The following ZNF148 variants were observed in gnomAD, a reference collection of about 807,000 sequenced individuals.
The protein encoded by ZNF148 is zinc finger protein 148.
ZNF148 carries 7 observed loss-of-function variants against 67.7 expected under a neutral mutation model. That is an observed-to-expected ratio of 0.10 (90% CI 0.06 to 0.19). ZNF148 has a LOEUF of 0.19. Among genes scored for constraint, ZNF148 ranks in the 10% least tolerant of loss-of-function variants. The pLI is 1.00. For missense variants in ZNF148, 583 were observed against 947.1 expected, an observed-to-expected ratio of 0.62 and a Z score of 5.05; for synonymous variants, 333 against 330.7, an observed-to-expected ratio of 1.01 and a Z score of -0.08.
rs984756912 is a variant in ZNF148, at chr3:125,229,317, G to A, written c.*3024C>T. 9 of 151,056 alleles carry A rather than the reference G, an allele frequency of 6.0e-5. No homozygotes were observed. The highest frequency in any genetic ancestry group is 1.3e-4 in the Non-Finnish European group (9 of 67,892). 9.4% of individuals were successfully genotyped at this position (151,056 alleles called of 1,614,324 possible). ...GCAAGTGTCTCTCCTCTGTGGAAAC[G>A]AAATCCTGCCCTGAGCACAATTCTT... On this transcript the variant is annotated 3_prime_UTR_variant, in exon 9 of 9. Transcript: ENST00000360647.
chr3:125,367,851 G>A (rs997426210), intron 1 of ZNF148, among the ~76,000 whole-genome samples: 6 of 152,170 alleles, frequency 3.9e-5, no homozygotes, highest in African/African-American at 1.4e-4. Flanking sequence ...TACACTATAC[G>A]AAGACGGAAA....
intron 7 of ZNF148, among the ~76,000 whole-genome samples, chr3:125,262,030 G>A (rs928300984): frequency 2.6e-5 from 4 of 151,968 alleles, no homozygotes; most frequent in Non-Finnish European, 5.9e-5. Context: ...GAAAACGCTG[G>A]AATTCTCTTT....
At chr3:125,346,057 C>T (rs1941930671) in intron 1 of ZNF148, among the ~76,000 whole-genome samples, 1 of 152,184 alleles carries the variant, frequency 6.6e-6, no homozygotes, top group Non-Finnish European at 1.5e-5. Flanking sequence ...ATAACTCTTA[C>T]AAATGTAGCT....
At chr3:125,303,750 C>T (rs1939723337) in intron 4 of ZNF148, among the ~76,000 whole-genome samples, 1 of 151,866 alleles carries the variant, frequency 6.6e-6, no homozygotes, top group African/African-American at 2.4e-5. Context: ...GTGCACAATA[C>T]ATGTAATGCT....
chr3:125,315,189 T>C (rs1050679096), intron 3 of ZNF148: 1 of 152,210 alleles, frequency 6.6e-6, no homozygotes, highest in Non-Finnish European at 1.5e-5. Context: ...AGTCTCTTAA[T>C]GCTAAAATTT....
chr3:125,369,261 CAAAA>C (rs71148178), intron 1 of ZNF148, among the ~76,000 whole-genome samples: 7 of 12,890 alleles, frequency 5.4e-4, no homozygotes, highest in Non-Finnish European at 5.9e-4. Flanking sequence ...GATCCTGCCT[CAAAA>C]AAAAAAAAAA....
At chr3:125,363,816 A>AT (rs1290358295) in intron 1 of ZNF148, among the ~76,000 whole-genome samples, 4 of 151,848 alleles carry the variant, frequency 2.6e-5, no homozygotes, top group East Asian at 1.9e-4. Flanking sequence ...TGCCCCGCTA[A>AT]TTTTTTTATC....
intron 1 of ZNF148, among the ~76,000 whole-genome samples, chr3:125,336,676 C>CTTTTTTTTTTTTTTTTTTTTTTTTTTTT (rs1559765728): frequency 4.3e-5 from 2 of 46,138 alleles, no homozygotes; most frequent in Admixed American, 1.7e-4. Context: ...CCAGAAATCA[C>CTTTTTTTTTTTTTTTTTTTTTTTTTTTT]CTTTTTTTTT....
At chr3:125,318,766 G>A (rs1001981417) in intron 3 of ZNF148, among the ~76,000 whole-genome samples, 6 of 152,170 alleles carry the variant, frequency 3.9e-5, no homozygotes, top group Non-Finnish European at 7.3e-5. Flanking sequence ...ACCCAGAGCA[G>A]AGAATGATGA....
chr3:125,333,158 T>A (rs1015880809), intron 1 of ZNF148, among the ~76,000 whole-genome samples: 2 of 152,184 alleles, frequency 1.3e-5, no homozygotes, highest in Non-Finnish European at 2.9e-5. Flanking sequence ...AACATTCCGT[T>A]GAAAACATTT....
chr3:125,348,768 C>G (rs1942038041), intron 1 of ZNF148, among the ~76,000 whole-genome samples: 1 of 152,140 alleles, frequency 6.6e-6, no homozygotes. Flanking sequence ...CCAAACAGAA[C>G]CACAAAAGCC....
chr3:125,333,018 CA>C lies in ZNF148; in HGVS notation c.-233-1781del, dbSNP rs149879772. ...ATAGACAGGGAAAAAAATGTCTTCA[CA>C]TTATGCATTTTAACATTGTGAGTCT... On this transcript the variant is annotated intron_variant, in intron 1 of 8. Coordinates refer to ENST00000360647, the MANE Select transcript of ZNF148 (RefSeq NM_021964.3). 2.6e-3 allele frequency among the ~76,000 whole-genome samples: 401 copies of C among 152,262 alleles called. 7 individuals are homozygous for C. The East Asian group carries it at 0.048, about 18-fold the overall frequency.
chr3:125,371,356 C>CA lies in ZNF148; in HGVS notation c.-234+3745dup, dbSNP rs1236135101. Reference sequence around the variant, plus strand: ...TGGGTGACAAAGTGAGACCCTGTTTCAAAAAAAAAAAAAAAAGGGGGGGGG... The same window carrying CA: ...TGGGTGACAAAGTGAGACCCTGTTTCAAAAAAAAAAAAAAAAAGGGGGGGGG... On this transcript the variant is annotated intron_variant, in intron 1 of 8. Transcript: ENST00000360647. Among the ~76,000 whole-genome samples the CA allele has an allele frequency of 1.4e-4, 7 of 51,382 alleles. 1 individual carries two copies. In the East Asian group the frequency reaches 1.9e-3, roughly 14 times the overall value. 33.7% of individuals were successfully genotyped at this position (51,382 alleles called of 152,430 possible). A position where few individuals can be genotyped will look rare whatever the true frequency, so the allele number is the denominator to read the frequency against.
chr3:125,335,108 A>G (rs1316388732), intron 1 of ZNF148, among the ~76,000 whole-genome samples: 6 of 152,128 alleles, frequency 3.9e-5, no homozygotes. Context: ...TTTGCACTGT[A>G]CTGCCCACCT....
chr3:125,356,456 A>G (rs7609964), intron 1 of ZNF148, among the ~76,000 whole-genome samples: 117,579 of 152,106 alleles, frequency 0.77, 46,000 homozygotes, highest in African/African-American at 0.86. Context: ...AGAGAAACCC[A>G]GGACTTCCTC....
chr3:125,353,938 GA>G (rs1027596355), intron 1 of ZNF148, among the ~76,000 whole-genome samples: 10 of 152,044 alleles, frequency 6.6e-5, no homozygotes, highest in African/African-American at 1.9e-4. Context: ...AGAGAGGAGA[GA>G]GGGGTAAGGT....
chr3:125,363,669 T>C (rs35562223), intron 1 of ZNF148, among the ~76,000 whole-genome samples: 4 of 148,952 alleles, frequency 2.7e-5, no homozygotes, highest in African/African-American at 5.0e-5. Context: ...TTTTTTTTTT[T>C]TTTTTGAGAC....
chr3:125,297,859 C>A (rs1182543174), intron 4 of ZNF148, among the ~76,000 whole-genome samples: 1 of 152,124 alleles, frequency 6.6e-6, no homozygotes, highest in Non-Finnish European at 1.5e-5. Context: ...AAATTCAATT[C>A]TAAGTATATA....
intron 1 of ZNF148, among the ~76,000 whole-genome samples, chr3:125,372,063 CAAAAA>C (rs35024355): frequency 1.7e-5 from 2 of 115,754 alleles, no homozygotes. Context: ...GACTCCGTCT[CAAAAA>C]AAAAAAAAAA....
Sources: allele counts gnomAD v4.1 joint callset (sites outside exome capture counted in the v4.1 genomes callset), GRCh38; gene constraint gnomAD v4.1.1; transcripts MANE v1.5; gene names NCBI Gene and HGNC (gene_info 2026-07-23, HGNC 2026-07-21).